The following MGAT4C variants were observed in gnomAD, a reference collection of about 807,000 sequenced individuals.
The protein encoded by MGAT4C is MGAT4 family member C.
Under a neutral mutation model 40.1 loss-of-function variants are expected in MGAT4C, and 19 were observed. That is an observed-to-expected ratio of 0.47 (90% CI 0.33 to 0.70). The LOEUF (loss-of-function observed/expected upper bound fraction) is 0.70, where lower values mean the gene tolerates loss of function less well. MGAT4C is among the 30% of genes least tolerant of loss of function. The pLI is 0.02. For missense variants in MGAT4C, 491 were observed against 563.2 expected (o/e 0.87, Z 1.30); for synonymous variants, 181 against 187.1 (o/e 0.97, Z 0.27).
intron 1 of MGAT4C, among the ~76,000 whole-genome samples, chr12:86,771,712 G>C: frequency 7.1e-6 from 1 of 141,734 alleles, no homozygotes; most frequent in South Asian, 2.3e-4. Flanking sequence ...GTGTGTGTGT[G>C]TGTGTGTGTG....
At chr12:86,015,994 A>C (rs950573660) in intron 2 of MGAT4C, 17 of 152,090 alleles carry the variant, frequency 1.1e-4, no homozygotes, top group African/African-American at 4.1e-4. Context: ...ACGCCAGTGG[A>C]ATTATTCATA....
At chr12:86,049,631 T>G (rs1892712185) in intron 2 of MGAT4C, 43 bp downstream of exon 2, 1 of 920,466 alleles carries the variant, frequency 1.1e-6, no homozygotes, top group Admixed American at 6.2e-5. Flanking sequence ...ATTTAAAAAG[T>G]GTAGTACCTT....
At chr12:86,089,259 G>T (rs1209378835) in intron 1 of MGAT4C, among the ~76,000 whole-genome samples, 1 of 151,824 alleles carries the variant, frequency 6.6e-6, no homozygotes, top group Non-Finnish European at 1.5e-5. Context: ...TTAAGTAATT[G>T]TTGAAGAATA....
chr12:86,619,782 G>A (rs370671537), intron 2 of MGAT4C, among the ~76,000 whole-genome samples: 4 of 151,894 alleles, frequency 2.6e-5, no homozygotes, highest in Admixed American at 1.3e-4. Flanking sequence ...CAACATTATA[G>A]CATATACTTA....
chr12:86,668,131 C>T (rs1358457854), intron 2 of MGAT4C, among the ~76,000 whole-genome samples: 3 of 152,160 alleles, frequency 2.0e-5, no homozygotes, highest in African/African-American at 7.2e-5. Context: ...TATTATAAAG[C>T]TATCTTAATT....
chr12:86,253,059 C>T (rs543953130), intron 1 of MGAT4C, among the ~76,000 whole-genome samples: 1 of 151,970 alleles, frequency 6.6e-6, no homozygotes, highest in African/African-American at 2.4e-5. Flanking sequence ...TAGAGACACA[C>T]AGAAACACAA....
At chr12:86,113,430 A>AT (rs1248549008) in intron 1 of MGAT4C, among the ~76,000 whole-genome samples, 13 of 151,728 alleles carry the variant, frequency 8.6e-5, no homozygotes, top group African/African-American at 2.4e-4. Flanking sequence ...ATTTTGGGGG[A>AT]TTTTTTGTGT....
At chr12:86,717,384 C>T (rs1025782175) in intron 2 of MGAT4C, among the ~76,000 whole-genome samples, 1 of 152,100 alleles carries the variant, frequency 6.6e-6, no homozygotes, top group African/African-American at 2.4e-5. Context: ...TTTTCCCTCA[C>T]CTTTAGTCCT....
intron 1 of MGAT4C, among the ~76,000 whole-genome samples, chr12:86,835,162 GT>G (rs1448068701): frequency 6.6e-6 from 1 of 151,816 alleles, no homozygotes; most frequent in Non-Finnish European, 1.5e-5. Flanking sequence ...ATCTTAAGGA[GT>G]TTTTCTGTAT....
intron 1 of MGAT4C, among the ~76,000 whole-genome samples, chr12:86,094,824 AG>A (rs1174963283): frequency 6.6e-6 from 1 of 152,124 alleles, no homozygotes; most frequent in African/African-American, 2.4e-5. Context: ...AGACTCAATT[AG>A]CACACTGTCT....
intron 4 of MGAT4C, among the ~76,000 whole-genome samples, chr12:86,288,298 C>G (rs1168507481): frequency 6.6e-6 from 1 of 151,672 alleles, no homozygotes; most frequent in Non-Finnish European, 1.5e-5. Context: ...CTGTAGGTTG[C>G]CTGCTCACTC....
chr12:86,822,950 T>C (rs1839630982), intron 1 of MGAT4C, among the ~76,000 whole-genome samples: 1 of 151,162 alleles, frequency 6.6e-6, no homozygotes, highest in African/African-American at 2.4e-5. Context: ...ACTGAAATTA[T>C]ACCAAGTCTT....
intron 1 of MGAT4C, among the ~76,000 whole-genome samples, chr12:86,740,142 T>G (rs1178754508): frequency 1.3e-5 from 2 of 151,166 alleles, no homozygotes; most frequent in Admixed American, 6.6e-5. Context: ...CTTTTCCAAA[T>G]TCTTTGCAGA....
intron 2 of MGAT4C, among the ~76,000 whole-genome samples, chr12:86,604,839 A>C (rs1223636240): frequency 6.6e-6 from 1 of 152,296 alleles, no homozygotes; most frequent in South Asian, 2.1e-4. Context: ...AGCAAACAAG[A>C]AAAAAGCTTC....
chr12:86,590,042 G>T (rs1593019492), intron 2 of MGAT4C, among the ~76,000 whole-genome samples: 1 of 151,904 alleles, frequency 6.6e-6, no homozygotes, highest in Non-Finnish European at 1.5e-5. Context: ...GATGCTGATG[G>T]ATGCACCTCT....
chr12:86,300,481 C>T (rs779514802), intron 4 of MGAT4C, among the ~76,000 whole-genome samples: 10 of 151,898 alleles, frequency 6.6e-5, no homozygotes, highest in Non-Finnish European at 1.0e-4. Flanking sequence ...ATATAGAGTA[C>T]ATATTTTTAA....
intron 1 of MGAT4C, among the ~76,000 whole-genome samples, chr12:86,157,069 T>C (rs1485301933): frequency 6.6e-6 from 1 of 152,072 alleles, no homozygotes; most frequent in Non-Finnish European, 1.5e-5. Context: ...TTGGTAAGTA[T>C]AGATCATGTC....
chr12:86,381,211 G>A (rs1490638128), intron 3 of MGAT4C, among the ~76,000 whole-genome samples: 2 of 152,026 alleles, frequency 1.3e-5, no homozygotes, highest in East Asian at 1.9e-4. Flanking sequence ...ATTTTTGACA[G>A]GATAGATTAA....
Position 86,098,556 on chromosome 12 carries a change from T to C in MGAT4C, c.-56-48833A>G, listed in dbSNP as rs1874357858. On this transcript the variant is annotated intron_variant, in intron 1 of 4. Transcript: ENST00000611864. ...GTGAATGGCTAGAAGGTAGAAACTA[T>C]ATATTAGATGCTTTTTGCAATCCTG... 7.2e-5 allele frequency among the ~76,000 whole-genome samples: 11 copies of C among 151,772 alleles called. No homozygotes were observed. In the South Asian group the frequency reaches 2.1e-3, roughly 29 times the overall value.
Sources: gnomAD v4.1 joint callset for allele counts (sites outside exome capture counted in the v4.1 genomes callset) on GRCh38, gnomAD v4.1.1 for gene constraint, MANE v1.5 for transcripts, NCBI Gene and HGNC (gene_info 2026-07-23, HGNC 2026-07-21) for gene names.